Variants in PPP1R8 observed in about 807,000 individuals in gnomAD.
The protein encoded by PPP1R8 is protein phosphatase 1 regulatory subunit 8.
PPP1R8 carries 4 observed loss-of-function variants against 31.3 expected under a neutral mutation model. The observed-to-expected ratio is 0.13, with a 90% CI of 0.06 to 0.29. PPP1R8 has a LOEUF of 0.29. PPP1R8 is among the 10% of genes least tolerant of loss of function. The pLI is 1.00. For missense variants in PPP1R8, 254 were observed against 440.1 expected (o/e 0.58, Z 3.78); for synonymous variants, 170 against 169.7 (o/e 1.00, Z -0.01).
At chr1:27,834,377 C>A (rs541406561) in intron 2 of PPP1R8, 1 of 515,548 alleles carries the variant, frequency 1.9e-6, no homozygotes, top group East Asian at 5.5e-5. Context: ...CTGAGATGTG[C>A]TTATTTTTAG....
At chr1:27,836,571 C>T (rs986380292) in intron 2 of PPP1R8, among the ~76,000 whole-genome samples, 19 of 152,186 alleles carry the variant, frequency 1.2e-4, no homozygotes, top group Middle Eastern at 3.4e-3. Context: ...CCTGCCACCA[C>T]GCCCGGCTAA....
At chr1:27,846,248 C>G (rs1398264567) in intron 5 of PPP1R8, among the ~76,000 whole-genome samples, 2 of 152,218 alleles carry the variant, frequency 1.3e-5, no homozygotes, top group Admixed American at 1.3e-4. Context: ...CATGTTTCCA[C>G]TCACATTCAA....
rs546981979 is a variant in PPP1R8, at chr1:27,845,262, C to T, written c.638-1766C>T. ...AAAATTAGCTGGGTGTGGTGGCGGGCGCCTGTAGTCCCAGCTACTTGGGAG... is the reference window on the plus strand; with the variant it reads ...AAAATTAGCTGGGTGTGGTGGCGGGTGCCTGTAGTCCCAGCTACTTGGGAG... On this transcript the variant is annotated intron_variant, in intron 5 of 6. Transcript: ENST00000311772. Among the ~76,000 whole-genome samples the T allele has an allele frequency of 1.5e-4, 22 of 150,742 alleles. No homozygotes were observed. The South Asian group carries it at 3.4e-3, about 23-fold the overall frequency.
At chr1:27,832,240 G>A (rs1046281295) in intron 1 of PPP1R8, among the ~76,000 whole-genome samples, 2 of 152,120 alleles carry the variant, frequency 1.3e-5, no homozygotes, top group African/African-American at 4.8e-5. Context: ...TTTGGTACCT[G>A]GTTTCATGGG....
rs1434381320 is a variant in PPP1R8 at position 27,830,868 on chromosome 1, C to T, written c.33C>T (p.Leu11=). 3.2e-6 allele frequency: 5 copies of T among 1,573,792 alleles called. No homozygotes were observed. In the Admixed American group the frequency reaches 7.4e-5, roughly 23 times the overall value. The change falls in exon 1 of 7, where the codon CTC becomes CTT. Residue 11 remains leucine (L), a synonymous_variant. Coordinates refer to ENST00000311772, the MANE Select transcript of PPP1R8 (RefSeq NM_014110.5). The part of the protein sequence containing the change: MAAAANSGSS[L]PLFDCPTWAG... ...CAGCCGCGAACTCCGGCTCTAGCCT[C>T]CCGCTGTTCGACTGCCCAACCTGGT...
intron 3 of PPP1R8, among the ~76,000 whole-genome samples, chr1:27,839,405 G>GTAA (rs2089201681): frequency 6.6e-6 from 1 of 152,110 alleles, no homozygotes; most frequent in Admixed American, 6.6e-5. Flanking sequence ...GCGGGTGCCT[G>GTAA]TAATTCCAGC....
chr1:27,845,713 T>TA (rs1206774482), intron 5 of PPP1R8, among the ~76,000 whole-genome samples: 1 of 151,672 alleles, frequency 6.6e-6, no homozygotes, highest in East Asian at 1.9e-4. Context: ...TAATTATAAT[T>TA]ACTCAAATTA....
At chr1:27,834,720 T>G (rs2089145621) in intron 2 of PPP1R8, among the ~76,000 whole-genome samples, 1 of 152,170 alleles carries the variant, frequency 6.6e-6, no homozygotes, top group Non-Finnish European at 1.5e-5. Flanking sequence ...TCTGTTAAAA[T>G]TCCATACATT....
chr1:27,847,568 T>C (rs1223653880), intron 6 of PPP1R8, among the ~76,000 whole-genome samples: 5 of 150,898 alleles, frequency 3.3e-5, no homozygotes, highest in African/African-American at 1.2e-4. Flanking sequence ...CTGTCTCTAC[T>C]AAAAATACAA....
At chr1:27,834,403 G>A (rs1465638715) in intron 2 of PPP1R8, 1 of 518,108 alleles carries the variant, frequency 1.9e-6, no homozygotes, top group Non-Finnish European at 3.8e-6. Flanking sequence ...AACTTGATCA[G>A]CACTTGATAC....
At chr1:27,845,108 C>T (rs1339739128) in intron 5 of PPP1R8, among the ~76,000 whole-genome samples, 21 of 145,400 alleles carry the variant, frequency 1.4e-4, no homozygotes, top group African/African-American at 4.3e-4. Context: ...TTAGTGCCCT[C>T]GGCCGGGCAC....
At chr1:27,831,182 A>G in intron 1 of PPP1R8, 1 of 1,184,694 alleles carries the variant, frequency 8.4e-7, no homozygotes, top group Non-Finnish European at 1.0e-6. Context: ...CTTGGCCCGA[A>G]CTTACGCCCA....
chr1:27,841,353 G>A (rs1405728550), intron 4 of PPP1R8, 119 bp downstream of exon 4: 2 of 1,033,704 alleles, frequency 1.9e-6, no homozygotes, highest in Admixed American at 2.5e-5. Flanking sequence ...CTTGAGTCCA[G>A]TAATGGGCCT....
chr1:27,834,371 G>C (rs938537018), intron 2 of PPP1R8: 4 of 514,972 alleles, frequency 7.8e-6, no homozygotes, highest in African/African-American at 5.8e-5. Flanking sequence ...GTAGACCTGA[G>C]ATGTGCTTAT....
intron 5 of PPP1R8, among the ~76,000 whole-genome samples, chr1:27,844,984 C>T (rs867886743): frequency 1.4e-5 from 2 of 139,274 alleles, no homozygotes; most frequent in Non-Finnish European, 3.1e-5. Context: ...CCGCCCGCCT[C>T]GGCCTCCTAA....
chr1:27,831,131 C>G, intron 1 of PPP1R8: 1 of 1,300,898 alleles, frequency 7.7e-7, no homozygotes, highest in Non-Finnish European at 9.7e-7. Context: ...ACTTAGGCAG[C>G]CCCTTTGAGC....
At chr1:27,834,540 T>G (rs370600111) in intron 2 of PPP1R8, 15 of 518,650 alleles carry the variant, frequency 2.9e-5, no homozygotes, top group Non-Finnish European at 5.8e-5. Flanking sequence ...AAAGATACAC[T>G]CTGAGTTATA....
At chr1:27,831,459 C>T (rs1390659240) in intron 1 of PPP1R8, 4 of 654,544 alleles carry the variant, frequency 6.1e-6, no homozygotes, top group South Asian at 1.4e-4. Context: ...TTTATCCCTT[C>T]GAAAGTTCTT....
At chr1:27,838,265 A>C (rs998320161) in intron 2 of PPP1R8, among the ~76,000 whole-genome samples, 2 of 151,884 alleles carry the variant, frequency 1.3e-5, no homozygotes, top group Non-Finnish European at 2.9e-5. Context: ...CTGTAGTCCC[A>C]GCTCCTTGGG....
Sources: gnomAD v4.1 joint callset for allele counts (sites outside exome capture counted in the v4.1 genomes callset) on GRCh38, gnomAD v4.1.1 for gene constraint, MANE v1.5 for transcripts, NCBI Gene and HGNC (gene_info 2026-07-23, HGNC 2026-07-21) for gene names.